PDE3A: variants seen among roughly 807,000 people sequenced by gnomAD.
The protein encoded by PDE3A is cGMP-inhibited 3',5'-cyclic phosphodiesterase 3A.
A neutral mutation model predicts 98.3 loss-of-function variants in PDE3A; 43 were observed. The ratio of observed to expected loss-of-function variants is 0.44; its 90% CI spans 0.34 to 0.56. The LOEUF (loss-of-function observed/expected upper bound fraction) is 0.56. Ranked by LOEUF, PDE3A falls within the 20% of genes least tolerant of loss-of-function variation. PDE3A has a pLI of 0.01. For synonymous variants in PDE3A, 663 were observed against 567.9 expected (o/e 1.17, Z -2.38); for missense variants, 1,427 against 1,440.7 (o/e 0.99, Z 0.15).
At chr12:20,424,395 T>C (rs1427385687) in intron 1 of PDE3A, among the ~76,000 whole-genome samples, 1 of 133,416 alleles carries the variant, frequency 7.5e-6, no homozygotes, top group Non-Finnish European at 1.6e-5. Flanking sequence ...AAGTTTCTGT[T>C]TTAGTAGAAA....
chr12:20,397,073 A>T (rs1944032912), intron 1 of PDE3A, among the ~76,000 whole-genome samples: 1 of 152,118 alleles, frequency 6.6e-6, no homozygotes, highest in South Asian at 2.1e-4. Context: ...GATTATAAAG[A>T]TGCTAATAAT....
At chr12:20,609,168 C>T (rs948229279) in intron 2 of PDE3A, among the ~76,000 whole-genome samples, 3 of 151,744 alleles carry the variant, frequency 2.0e-5, no homozygotes, top group Admixed American at 1.3e-4. Flanking sequence ...TGTAGAAAAC[C>T]ACAACAATTC....
chr12:20,406,203 G>C (rs1944229886), intron 1 of PDE3A, among the ~76,000 whole-genome samples: 1 of 152,200 alleles, frequency 6.6e-6, no homozygotes, highest in African/African-American at 2.4e-5. Context: ...TGGGAGGGCA[G>C]ATATCTCTGT....
chr12:20,620,918 T>C (rs1944117937), intron 4 of PDE3A, among the ~76,000 whole-genome samples: 1 of 152,034 alleles, frequency 6.6e-6, no homozygotes, highest in African/African-American at 2.4e-5. Context: ...ATTATGACAC[T>C]TACAGCTTAT....
At chr12:20,619,249 A>G (rs1944078003) in intron 4 of PDE3A, among the ~76,000 whole-genome samples, 1 of 152,062 alleles carries the variant, frequency 6.6e-6, no homozygotes, top group Admixed American at 6.6e-5. Context: ...GATGTTATTT[A>G]TCTTGAGTTC....
rs561828476 is a variant in PDE3A, at chr12:20,628,443, G to A, written c.1541-1465G>A. On this transcript the variant is annotated intron_variant, in intron 5 of 15. Transcript: ENST00000359062. ...ATGCAAACGCTGCCTAATACGCCAT[G>A]GGTTTTACTTCCCCCTTGGATAGTC... is the stretch of plus-strand genomic sequence containing the variant. Among the ~76,000 whole-genome samples the A allele has an allele frequency of 9.9e-5, 15 of 152,240 alleles. No homozygotes were observed. The East Asian group carries it at 2.3e-3, about 24-fold the overall frequency.
At chr12:20,532,863 T>C (rs1386349129) in intron 1 of PDE3A, among the ~76,000 whole-genome samples, 1 of 152,066 alleles carries the variant, frequency 6.6e-6, no homozygotes, top group African/African-American at 2.4e-5. Context: ...TAACTTTTTG[T>C]ATTTTTAGTA....
rs1477141368 is a variant in PDE3A, at chr12:20,552,390, C to T, written c.961-4270C>T. 2.0e-5 allele frequency: 32 copies of T among 1,613,164 alleles called. No individual in the cohort carries two copies. The highest frequency in any genetic ancestry group is 6.7e-5 in the African/African-American group (5 of 74,830). On this transcript the variant is annotated intron_variant, in intron 1 of 15. Transcript: ENST00000359062. This position sits in a 1 kb window ranked among gnomAD's most constrained non-coding sequence, Gnocchi z 5.1. ...TTCTGCGGAGGGACGATGATGAGCC[C>T]GGCCCTTGGACGAAGGAGGGGAAGG... is the stretch of plus-strand genomic sequence containing the variant.
chr12:20,663,275 G>A (rs1020981525), intron 15 of PDE3A, among the ~76,000 whole-genome samples: 15 of 152,208 alleles, frequency 9.9e-5, no homozygotes, highest in Non-Finnish European at 2.2e-4. Context: ...GTATGGAAGG[G>A]AAATGTGGGG....
chr12:20,414,000 T>C (rs993127195), intron 1 of PDE3A, among the ~76,000 whole-genome samples: 8 of 152,206 alleles, frequency 5.3e-5, no homozygotes, highest in African/African-American at 9.7e-5. Context: ...TTCAGGTTTA[T>C]ACCTTGAGTA....
intron 5 of PDE3A, among the ~76,000 whole-genome samples, chr12:20,628,423 A>G (rs922932176): frequency 3.9e-5 from 6 of 152,198 alleles, no homozygotes; most frequent in African/African-American, 1.4e-4. Context: ...GAGCAATGCA[A>G]ACGCTGCCTA....
At chr12:20,424,981 T>A (rs914142851) in intron 1 of PDE3A, among the ~76,000 whole-genome samples, 4 of 152,212 alleles carry the variant, frequency 2.6e-5, no homozygotes, top group African/African-American at 9.6e-5. Context: ...TGCTCTTAGT[T>A]TTACTGTTAC....
chr12:20,545,781 A>ACAAAAC (rs200694205), intron 1 of PDE3A, among the ~76,000 whole-genome samples: 1 of 76,268 alleles, frequency 1.3e-5, no homozygotes, highest in African/African-American at 3.6e-5. Context: ...GGCTGCCAAA[A>ACAAAAC]AAAAAAAAAC....
chr12:20,638,181 C>T (rs1592136976), intron 9 of PDE3A, among the ~76,000 whole-genome samples: 1 of 152,252 alleles, frequency 6.6e-6, no homozygotes, highest in East Asian at 1.9e-4. Context: ...CAGAGATGAG[C>T]TTTCTTTGGA....
intron 2 of PDE3A, among the ~76,000 whole-genome samples, chr12:20,604,020 T>C (rs778084408): frequency 7.9e-5 from 12 of 151,836 alleles, no homozygotes; most frequent in Non-Finnish European, 1.3e-4. Context: ...AATACAAAAA[T>C]TAGCTGGGCA....
intron 1 of PDE3A, among the ~76,000 whole-genome samples, chr12:20,395,121 G>T (rs1053238318): frequency 6.6e-6 from 1 of 152,034 alleles, no homozygotes; most frequent in African/African-American, 2.4e-5. Flanking sequence ...TTTGTTATCA[G>T]GGTTGAGTTC....
At chr12:20,645,713 C>T (rs1031383573) in intron 10 of PDE3A, among the ~76,000 whole-genome samples, 1 of 152,062 alleles carries the variant, frequency 6.6e-6, no homozygotes, top group African/African-American at 2.4e-5. Flanking sequence ...TTGAACTGCA[C>T]ATGTGGAGTA....
At position 20,593,560 on chromosome 12, in the gene PDE3A, A is replaced by T. The variant is rs528758047; in HGVS notation, c.1012-19883A>T. Among the ~76,000 whole-genome samples the T allele has an allele frequency of 1.5e-4, 22 of 148,162 alleles. No individual in the cohort carries two copies. In the South Asian group the frequency reaches 4.1e-3, roughly 27 times the overall value. On this transcript the variant is annotated intron_variant, in intron 2 of 15. Coordinates refer to ENST00000359062, the MANE Select transcript of PDE3A (RefSeq NM_000921.5). ...AGGCTTTTTAAGGAAAAAAAAAAAAATGTCAGTCTTGCATGTAAATTTCCA... is the reference window on the plus strand; with the variant it reads ...AGGCTTTTTAAGGAAAAAAAAAAAATTGTCAGTCTTGCATGTAAATTTCCA...
intron 2 of PDE3A, among the ~76,000 whole-genome samples, chr12:20,594,978 T>C (rs1238000458): frequency 7.9e-5 from 12 of 152,118 alleles, no homozygotes; most frequent in South Asian, 2.1e-4. Context: ...TGGTATATTA[T>C]ATATATACAG....
Sources: gnomAD v4.1 joint callset for allele counts (sites outside exome capture counted in the v4.1 genomes callset) on GRCh38, gnomAD v4.1.1 for gene constraint, Gnocchi (gnomAD v3.1) non-coding constraint, MANE v1.5 for transcripts, NCBI Gene and HGNC (gene_info 2026-07-23, HGNC 2026-07-21) for gene names.